The following NRG1 variants were observed in gnomAD, a reference collection of about 807,000 sequenced individuals.
The protein encoded by NRG1 is pro-neuregulin-1, membrane-bound isoform.
In NRG1, 18 loss-of-function variants were observed where a neutral mutation model predicts 63.8. The ratio of observed to expected loss-of-function variants is 0.28; its 90% CI spans 0.19 to 0.42. The LOEUF (loss-of-function observed/expected upper bound fraction) is 0.42, where lower values mean the gene tolerates loss of function less well. Among genes scored for constraint, NRG1 ranks in the 10% least tolerant of loss-of-function variants. The pLI is 1.00. For missense variants in NRG1, 762 were observed against 814.7 expected (o/e 0.94, Z 0.79); for synonymous variants, 302 against 301.3 (o/e 1.00, Z -0.02).
chr8:32,400,016 T>A (rs997954288), intron 1 of NRG1, among the ~76,000 whole-genome samples: 1 of 152,188 alleles, frequency 6.6e-6, no homozygotes, highest in Admixed American at 6.5e-5. Flanking sequence ...ATGAGGGTCT[T>A]TATAGCAGTG....
At chr8:32,397,478 T>C (rs1812589002) in intron 1 of NRG1, among the ~76,000 whole-genome samples, 1 of 152,024 alleles carries the variant, frequency 6.6e-6, no homozygotes. Context: ...ATCTATACTC[T>C]TTTATGTTTG....
In NRG1 at chr8:31,990,614, T is replaced by C. The variant is rs1810901568; in HGVS notation, c.37+351183T>C. Among the ~76,000 whole-genome samples, 9 of 152,226 alleles carry C rather than the reference T, an allele frequency of 5.9e-5. No individual in the cohort carries two copies. In the South Asian group the frequency reaches 1.9e-3, roughly 32 times the overall value. On this transcript the variant is annotated intron_variant, in intron 1 of 10. Coordinates refer to the NRG1 transcript ENST00000519301. ...CTTTGTTTGTTTTCTTTATTTGACA[T>C]ATTTAAAAGAAGGCAAAAGTGTATC...
At chr8:32,750,560 T>C (rs1199672308) in intron 7 of NRG1, among the ~76,000 whole-genome samples, 1 of 152,104 alleles carries the variant, frequency 6.6e-6, no homozygotes, top group Non-Finnish European at 1.5e-5. Context: ...AGGGACATCA[T>C]GCAGCAGGGG....
intron 1 of NRG1, among the ~76,000 whole-genome samples, chr8:32,322,362 T>C (rs116264710): frequency 0.1 from 14,270 of 140,128 alleles, 703 homozygotes; most frequent in Middle Eastern, 0.15. Flanking sequence ...ATTTTATATA[T>C]ATATATATAT....
intron 9 of NRG1, among the ~76,000 whole-genome samples, chr8:32,758,615 AAAAG>A (rs961911128): frequency 1.3e-5 from 2 of 149,208 alleles, no homozygotes; most frequent in Non-Finnish European, 2.9e-5. Flanking sequence ...AGAAGAAAAG[AAAAG>A]AAAGAAAGAA....
At position 31,834,309 on chromosome 8, in the gene NRG1, A is replaced by ACG. The variant is rs1563460052; in HGVS notation, c.37+194879_37+194880insGC. ...TTCATGCGTGTGCGCGCACGCGCGC[A>ACG]CACACACACACACACACACACGCAC... On this transcript the variant is annotated intron_variant, in intron 1 of 10. Transcript: ENST00000519301. 9.1e-5 allele frequency among the ~76,000 whole-genome samples: 8 copies of ACG among 87,496 alleles called. No individual in the cohort carries two copies. In the East Asian group the frequency reaches 2.3e-3, roughly 25 times the overall value. 57.4% of individuals were successfully genotyped at this position (87,496 alleles called of 152,430 possible). A position where few individuals can be genotyped will look rare whatever the true frequency, so the allele number is the denominator to read the frequency against.
At chr8:32,549,848 G>A (rs1271680073) in intron 1 of NRG1, among the ~76,000 whole-genome samples, 1 of 152,170 alleles carries the variant, frequency 6.6e-6, no homozygotes, top group African/African-American at 2.4e-5. Flanking sequence ...AGATGGGGGA[G>A]AATTTATTTT....
chr8:32,763,757 A>T (rs765968266), exon 12 of NRG1: 2 of 1,550,642 alleles, frequency 1.3e-6, no homozygotes, highest in South Asian at 2.5e-5. Flanking sequence ...GGTATGTGTC[A>T]GCCATGACCA....
intron 1 of NRG1, among the ~76,000 whole-genome samples, chr8:32,381,264 G>T (rs1287472707): frequency 6.6e-6 from 1 of 152,076 alleles, no homozygotes; most frequent in Non-Finnish European, 1.5e-5. Context: ...TGCATGATTT[G>T]CTTTGTCTTG....
At chr8:32,675,027 AGG>A (rs534218890) in intron 5 of NRG1, among the ~76,000 whole-genome samples, 23 of 152,198 alleles carry the variant, frequency 1.5e-4, no homozygotes, top group Admixed American at 2.0e-4. Context: ...GTTTCACCTT[AGG>A]GGTGAATTTC....
chr8:32,605,621 A>G (rs1845132849), exon 3 of NRG1: 1 of 1,613,470 alleles, frequency 6.2e-7, no homozygotes, highest in South Asian at 1.1e-5. Flanking sequence ...TATATGTGCA[A>G]AGTGATCAGC....
At chr8:31,798,022 AGGCT>A (rs1188337903) in intron 1 of NRG1, among the ~76,000 whole-genome samples, 3 of 152,004 alleles carry the variant, frequency 2.0e-5, no homozygotes, top group Non-Finnish European at 4.4e-5. Context: ...TGGTTATTAG[AGGCT>A]GTGAGGGGGA....
At chr8:32,234,558 A>C (rs1348268515) in intron 1 of NRG1, among the ~76,000 whole-genome samples, 3 of 152,208 alleles carry the variant, frequency 2.0e-5, no homozygotes, top group South Asian at 4.1e-4. Flanking sequence ...TCTACATTCC[A>C]TATTCTTCCC....
At chr8:32,596,668 T>A (rs971045371) in intron 2 of NRG1, among the ~76,000 whole-genome samples, 78 of 152,210 alleles carry the variant, frequency 5.1e-4, no homozygotes, top group Middle Eastern at 3.4e-3. Context: ...TACCAGTGCC[T>A]TACACAGTTA....
intron 1 of NRG1, among the ~76,000 whole-genome samples, chr8:31,944,809 A>G (rs1190149471): frequency 2.0e-5 from 3 of 152,228 alleles, no homozygotes; most frequent in Non-Finnish European, 1.5e-5. Context: ...GTAGGTATGT[A>G]TTTTGAATAG....
intron 5 of NRG1, among the ~76,000 whole-genome samples, chr8:32,710,446 C>T (rs567102422): frequency 3.2e-4 from 48 of 152,168 alleles, no homozygotes; most frequent in Non-Finnish European, 5.6e-4. Flanking sequence ...CTAAATTTAG[C>T]ATTTCATTTG....
chr8:32,082,093 AT>A (rs1827544890), intron 1 of NRG1, among the ~76,000 whole-genome samples: 1 of 152,124 alleles, frequency 6.6e-6, no homozygotes, highest in South Asian at 2.1e-4. Flanking sequence ...CTTGTTGAAG[AT>A]TCTCAAATTG....
chr8:32,161,211 G>A (rs1474091631), intron 1 of NRG1, among the ~76,000 whole-genome samples: 1 of 151,792 alleles, frequency 6.6e-6, no homozygotes, highest in Non-Finnish European at 1.5e-5. Context: ...TAATCAATTA[G>A]CTGACATGAC....
intron 5 of NRG1, among the ~76,000 whole-genome samples, chr8:32,663,628 T>C (rs1462088850): frequency 6.6e-6 from 1 of 152,156 alleles, no homozygotes; most frequent in African/African-American, 2.4e-5. Flanking sequence ...GTTCCACATA[T>C]TATATCTTCT....
Sources: gnomAD v4.1 joint callset for allele counts (sites outside exome capture counted in the v4.1 genomes callset) on GRCh38, gnomAD v4.1.1 for gene constraint, MANE v1.5 for transcripts, NCBI Gene and HGNC (gene_info 2026-07-23, HGNC 2026-07-21) for gene names.